Variants in STIM2 observed in about 807,000 individuals in gnomAD.
STIM2 encodes stromal interaction molecule 2.
STIM2 carries 31 observed loss-of-function variants against 85.8 expected under a neutral mutation model. That is an observed-to-expected ratio of 0.36 (90% CI 0.27 to 0.49). The LOEUF is 0.49. Ranked by LOEUF, STIM2 falls within the 20% of genes least tolerant of loss-of-function variation. The probability of loss-of-function intolerance (pLI) is 0.98; values close to 1 mark genes in which losing one functional copy is unlikely to be tolerated. For synonymous variants in STIM2, 356 were observed against 331.1 expected (o/e 1.08, Z -0.82); for missense variants, 841 against 927.6 (o/e 0.91, Z 1.21).
intron 4 of STIM2, among the ~76,000 whole-genome samples, chr4:26,997,591 A>G (rs1211491513): frequency 6.6e-6 from 1 of 152,138 alleles, no homozygotes; most frequent in African/African-American, 2.4e-5. Context: ...TTTTTACTAC[A>G]TCTCATTGTC....
At chr4:26,881,191 C>T (rs1433672062) in intron 1 of STIM2, among the ~76,000 whole-genome samples, 6 of 152,040 alleles carry the variant, frequency 3.9e-5, no homozygotes, top group Non-Finnish European at 8.8e-5. Context: ...GGGGGCTGGG[C>T]GCGGTAGCTC....
In STIM2 at chr4:26,861,511, G is replaced by A. The variant is rs978809753; in HGVS notation, c.151+142G>A. ...GATGCGGAGCCCTGCCTGCTGCTTC[G>A]TCGCGGTCCCCTGCACTCCGGACGT... On this transcript the variant is annotated intron_variant, in intron 1 of 11. Transcript: ENST00000467087. 4.3e-5 allele frequency: 51 copies of A among 1,198,228 alleles called. No individual in the cohort carries two copies. In the South Asian group the frequency reaches 1.2e-3, roughly 28 times the overall value. 74.2% of individuals were successfully genotyped at this position (1,198,228 alleles called of 1,614,324 possible). A position where few individuals can be genotyped will look rare whatever the true frequency, so the allele number is the denominator to read the frequency against.
chr4:27,019,808 GA>G (rs1728854252), intron 11 of STIM2, among the ~76,000 whole-genome samples: 1 of 151,318 alleles, frequency 6.6e-6, no homozygotes, highest in African/African-American at 2.4e-5. Context: ...TCACTCTGGG[GA>G]AAAAAAGAAA....
chr4:26,866,373 T>C (rs1009500120), intron 1 of STIM2, among the ~76,000 whole-genome samples: 3 of 152,190 alleles, frequency 2.0e-5, no homozygotes, highest in Non-Finnish European at 4.4e-5. Context: ...GTATGCATCC[T>C]TATACAAACA....
chr4:26,943,752 A>G (rs1463569569), intron 2 of STIM2, among the ~76,000 whole-genome samples: 1 of 152,110 alleles, frequency 6.6e-6, no homozygotes, highest in Non-Finnish European at 1.5e-5. Flanking sequence ...GATAATATAC[A>G]CTATGAATTC....
chr4:26,887,165 C>G (rs1455732593), intron 1 of STIM2, among the ~76,000 whole-genome samples: 1 of 148,574 alleles, frequency 6.7e-6, no homozygotes, highest in Non-Finnish European at 1.5e-5. Context: ...ACAATAAGCA[C>G]CAAACCAAAT....
intron 1 of STIM2, among the ~76,000 whole-genome samples, chr4:26,865,980 A>G (rs1388681272): frequency 1.1e-5 from 1 of 93,732 alleles, no homozygotes; most frequent in African/African-American, 4.3e-5. Flanking sequence ...ATCCTGTTAG[A>G]TAGCTACTGT....
intron 7 of STIM2, among the ~76,000 whole-genome samples, chr4:27,005,561 A>G (rs922535000): frequency 6.6e-6 from 1 of 152,242 alleles, no homozygotes; most frequent in African/African-American, 2.4e-5. Context: ...TATTGTTTGC[A>G]AAAGCTGTTT....
chr4:26,885,850 T>TA (rs1723211635), intron 1 of STIM2, among the ~76,000 whole-genome samples: 1 of 45,828 alleles, frequency 2.2e-5, no homozygotes, highest in East Asian at 8.9e-4. Flanking sequence ...TATATATATA[T>TA]ATATATATAT....
At chr4:26,877,515 TG>T (rs1431503393) in intron 1 of STIM2, among the ~76,000 whole-genome samples, 4 of 149,904 alleles carry the variant, frequency 2.7e-5, no homozygotes, top group South Asian at 2.1e-4. Flanking sequence ...GACGATGGGT[TG>T]TTTTTTTTTT....
chr4:26,930,352 T>C (rs1040079975), intron 2 of STIM2, among the ~76,000 whole-genome samples: 2 of 152,222 alleles, frequency 1.3e-5, no homozygotes, highest in Non-Finnish European at 2.9e-5. Flanking sequence ...TTTTGTTTTC[T>C]GTTCTTACCT....
At chr4:26,908,475 T>TTTTG (rs146745390) in intron 1 of STIM2, among the ~76,000 whole-genome samples, 3,069 of 152,176 alleles carry the variant, frequency 0.02, 58 homozygotes, top group East Asian at 0.1. Flanking sequence ...CACCCAGTCA[T>TTTTG]TTTGTTTGTT....
At chr4:26,972,438 T>G (rs1249604056) in intron 3 of STIM2, among the ~76,000 whole-genome samples, 1 of 152,102 alleles carries the variant, frequency 6.6e-6, no homozygotes, top group African/African-American at 2.4e-5. Context: ...TTGTTGAGAG[T>G]TTTTGGCATG....
intron 10 of STIM2, among the ~76,000 whole-genome samples, chr4:27,013,154 C>T (rs1728613833): frequency 1.3e-5 from 2 of 151,262 alleles, no homozygotes; most frequent in Admixed American, 6.6e-5. Flanking sequence ...GAGTAGTCCC[C>T]CTCTGCCCAT....
chr4:26,895,908 A>G (rs984969336), intron 1 of STIM2, among the ~76,000 whole-genome samples: 3 of 152,194 alleles, frequency 2.0e-5, no homozygotes, highest in African/African-American at 7.2e-5. Context: ...TACACTCAGC[A>G]CCTCAAAACA....
intron 1 of STIM2, among the ~76,000 whole-genome samples, chr4:26,911,501 A>G (rs749053264): frequency 1.3e-5 from 2 of 152,186 alleles, no homozygotes; most frequent in Non-Finnish European, 2.9e-5. Context: ...TGTTTAGAAT[A>G]GTACTTAAGC....
chr4:26,938,150 G>A (rs1243402378), intron 2 of STIM2, among the ~76,000 whole-genome samples: 2 of 148,640 alleles, frequency 1.3e-5, no homozygotes, highest in African/African-American at 5.0e-5. Flanking sequence ...TTTTTTTTCA[G>A]TAGCACATTT....
chr4:27,009,354 TGAG>T (rs1324956916), intron 10 of STIM2, among the ~76,000 whole-genome samples: 3 of 152,126 alleles, frequency 2.0e-5, no homozygotes, highest in South Asian at 4.1e-4. Flanking sequence ...TAAATTGAAA[TGAG>T]GAGTCATATA....
intron 3 of STIM2, among the ~76,000 whole-genome samples, chr4:26,959,463 C>A (rs1382724583): frequency 6.6e-6 from 1 of 152,000 alleles, no homozygotes; most frequent in Non-Finnish European, 1.5e-5. Context: ...TCTTACTCAG[C>A]TTCACACTTT....
Sources: gnomAD v4.1 joint callset for allele counts (sites outside exome capture counted in the v4.1 genomes callset) on GRCh38, gnomAD v4.1.1 for gene constraint, MANE v1.5 for transcripts, NCBI Gene and HGNC (gene_info 2026-07-23, HGNC 2026-07-21) for gene names.